CDYL2: variants seen among roughly 807,000 people sequenced by gnomAD.
CDYL2 encodes the protein chromodomain Y-like protein 2.
In CDYL2, 23 loss-of-function variants were observed where a neutral mutation model predicts 49.4. The observed-to-expected ratio is 0.47, with a 90% confidence interval of 0.34 to 0.66. The LOEUF (loss-of-function observed/expected upper bound fraction) is 0.66, where lower values mean the gene tolerates loss of function less well. Ranked by LOEUF, CDYL2 falls within the 30% of genes least tolerant of loss-of-function variation. CDYL2 has a pLI of 0.01. For missense variants in CDYL2, 678 were observed against 656.4 expected (o/e 1.03, Z -0.36); for synonymous variants, 360 against 268.8 (o/e 1.34, Z -3.32).
intron 1 of CDYL2, among the ~76,000 whole-genome samples, chr16:80,712,464 C>A (rs1368175230): frequency 1.3e-5 from 2 of 151,962 alleles, no homozygotes; most frequent in East Asian, 3.9e-4. Context: ...CCTCACATCT[C>A]CCTGTTTCCT....
intron 3 of CDYL2, among the ~76,000 whole-genome samples, chr16:80,631,010 G>C (rs1907537287): frequency 6.6e-6 from 1 of 152,060 alleles, no homozygotes; most frequent in Non-Finnish European, 1.5e-5. Context: ...ATGAAAAAGA[G>C]AATACAGGAT....
rs533223606 is a variant in CDYL2, at chr16:80,601,048, T to C, written c.*3340A>G. 2 of 152,236 alleles carry C rather than the reference T, an allele frequency of 1.3e-5. No individual in the cohort carries two copies. Among genetic ancestry groups the C allele is most frequent in the Admixed American group, 6.5e-5 (1 of 15,284 alleles). 9.4% of individuals were successfully genotyped at this position (152,236 alleles called of 1,614,324 possible). A position where few individuals can be genotyped will look rare whatever the true frequency, so the allele number is the denominator to read the frequency against. On this transcript the variant is annotated 3_prime_UTR_variant, in exon 7 of 7. Transcript: ENST00000570137. ...ATTCTCTACTACTTTCTCATAGCTA[T>C]CCAATGTCATTCTTAGTGATTTTGA...
chr16:80,692,555 G>C (rs766887858), intron 1 of CDYL2, among the ~76,000 whole-genome samples: 48 of 152,128 alleles, frequency 3.2e-4, no homozygotes, highest in South Asian at 4.2e-4. Context: ...ATACATATTA[G>C]GATTAATGCT....
chr16:80,709,412 G>A (rs1201511499), intron 1 of CDYL2, among the ~76,000 whole-genome samples: 1 of 149,796 alleles, frequency 6.7e-6, no homozygotes, highest in Non-Finnish European at 1.5e-5. Flanking sequence ...ATACAAATTT[G>A]TTCCAACACA....
chr16:80,750,650 A>C (rs1906099594), intron 1 of CDYL2, among the ~76,000 whole-genome samples: 1 of 141,372 alleles, frequency 7.1e-6, no homozygotes, highest in Non-Finnish European at 1.6e-5. Context: ...CTAAGCTAAT[A>C]ATCAGAAATT....
intron 2 of CDYL2, among the ~76,000 whole-genome samples, chr16:80,644,208 A>G (rs1316231789): frequency 1.3e-5 from 2 of 152,346 alleles, no homozygotes; most frequent in African/African-American, 4.8e-5. Context: ...GCTAAAACAT[A>G]ACAAGTGCCA....
At chr16:80,798,161 C>T (rs1420452127) in intron 1 of CDYL2, among the ~76,000 whole-genome samples, 1 of 152,168 alleles carries the variant, frequency 6.6e-6, no homozygotes, top group Non-Finnish European at 1.5e-5. Context: ...CAACCTCAGC[C>T]TCCTGAGTAG....
intron 6 of CDYL2, among the ~76,000 whole-genome samples, chr16:80,606,254 T>C (rs1906327728): frequency 6.6e-6 from 1 of 152,232 alleles, no homozygotes; most frequent in South Asian, 2.1e-4. Flanking sequence ...CCATGGGCCT[T>C]ACTCTGCTGG....
chr16:80,780,015 T>A (rs1050607940), intron 1 of CDYL2, among the ~76,000 whole-genome samples: 7 of 152,168 alleles, frequency 4.6e-5, no homozygotes, highest in Non-Finnish European at 1.0e-4. Context: ...AGATGACACA[T>A]GAACACCTAT....
intron 2 of CDYL2, among the ~76,000 whole-genome samples, chr16:80,652,135 C>G (rs1337802098): frequency 1.3e-5 from 2 of 152,128 alleles, no homozygotes; most frequent in African/African-American, 4.8e-5. Flanking sequence ...ATCCCAATAG[C>G]AAAGAACATA....
intron 1 of CDYL2, among the ~76,000 whole-genome samples, chr16:80,774,620 G>C (rs1907020442): frequency 6.6e-6 from 1 of 152,054 alleles, no homozygotes; most frequent in Non-Finnish European, 1.5e-5. Context: ...GAATCTTTCT[G>C]TAATATGTAT....
chr16:80,767,622 G>C (rs1906769661), intron 1 of CDYL2, among the ~76,000 whole-genome samples: 1 of 152,146 alleles, frequency 6.6e-6, no homozygotes, highest in African/African-American at 2.4e-5. Context: ...AGACTTTTCA[G>C]ACAGTGAACA....
At chr16:80,709,356 T>C (rs1330077171) in intron 1 of CDYL2, among the ~76,000 whole-genome samples, 1 of 135,332 alleles carries the variant, frequency 7.4e-6, no homozygotes, top group Non-Finnish European at 1.5e-5. Flanking sequence ...CACTCCAGCC[T>C]AGGCAACATA....
At position 80,617,664 on chromosome 16, in the gene CDYL2, C is replaced by T. The variant is rs1650581887; in HGVS notation, c.1007+3099G>A. ...GGGCGAGCCACAGTCTCTTTCTAAC[C>T]CCGGGAGCATCTGTCTCTACACGCC... On this transcript the variant is annotated intron_variant, in intron 4 of 6. Transcript: ENST00000570137. Among the ~76,000 whole-genome samples, 3 of 152,202 alleles carry T rather than the reference C, an allele frequency of 2.0e-5. No individual in the cohort carries two copies. The South Asian group carries it at 6.2e-4, about 32-fold the overall frequency.
intron 2 of CDYL2, among the ~76,000 whole-genome samples, chr16:80,668,221 C>G (rs1189008446): frequency 6.6e-6 from 1 of 152,214 alleles, no homozygotes; most frequent in Admixed American, 6.5e-5. Flanking sequence ...AGTTCCAAGA[C>G]AGGCTTTAAG....
At chr16:80,647,009 G>A (rs1266757379) in intron 2 of CDYL2, among the ~76,000 whole-genome samples, 2 of 151,746 alleles carry the variant, frequency 1.3e-5, no homozygotes, top group African/African-American at 4.8e-5. Flanking sequence ...AAGATAAAGA[G>A]GGTCATTATA....
intron 1 of CDYL2, among the ~76,000 whole-genome samples, chr16:80,715,205 T>G (rs1904755742): frequency 6.6e-6 from 1 of 152,142 alleles, no homozygotes; most frequent in Non-Finnish European, 1.5e-5. Flanking sequence ...GAAGAAATGT[T>G]GTGTCTGGCT....
chr16:80,762,485 C>A (rs987442132), intron 1 of CDYL2, among the ~76,000 whole-genome samples: 1 of 152,202 alleles, frequency 6.6e-6, no homozygotes. Context: ...AAGGAACTCA[C>A]AATCGCCAAA....
intron 2 of CDYL2, among the ~76,000 whole-genome samples, chr16:80,641,505 A>G (rs1908084294): frequency 6.6e-6 from 1 of 152,134 alleles, no homozygotes; most frequent in African/African-American, 2.4e-5. Flanking sequence ...AAGCACTTCA[A>G]TCAGAAAGAA....
Sources: allele counts gnomAD v4.1 joint callset (sites outside exome capture counted in the v4.1 genomes callset), GRCh38; gene constraint gnomAD v4.1.1; transcripts MANE v1.5; gene names NCBI Gene and HGNC (gene_info 2026-07-23, HGNC 2026-07-21).